The following MYT1L variants were observed in gnomAD, a reference collection of about 807,000 sequenced individuals.
MYT1L encodes myelin transcription factor 1 like.
In MYT1L, 12 loss-of-function variants were observed where a neutral mutation model predicts 126.7. That is an observed-to-expected ratio of 0.09 (90% CI 0.06 to 0.15). The LOEUF is 0.15. Ranked by LOEUF, MYT1L falls within the 10% of genes least tolerant of loss-of-function variation. The probability of loss-of-function intolerance (pLI) is 1.00; values close to 1 mark genes in which losing one functional copy is unlikely to be tolerated. For missense variants in MYT1L, 979 were observed against 1,585.2 expected (o/e 0.62, Z 6.49); for synonymous variants, 541 against 604.2 (o/e 0.90, Z 1.53).
At chr2:2,272,632 C>T (rs1297337431) in intron 2 of MYT1L, among the ~76,000 whole-genome samples, 1 of 152,200 alleles carries the variant, frequency 6.6e-6, no homozygotes, top group East Asian at 1.9e-4. Flanking sequence ...GCATAGGTCT[C>T]TTCTCTGAAC....
chr2:2,222,368 C>T (rs992405930), intron 2 of MYT1L, among the ~76,000 whole-genome samples: 1 of 151,698 alleles, frequency 6.6e-6, no homozygotes, highest in Non-Finnish European at 1.5e-5. Context: ...GGAGGGCACC[C>T]GTGATCCCAG....
intron 2 of MYT1L, among the ~76,000 whole-genome samples, chr2:2,256,556 C>G (rs1010607190): frequency 6.6e-6 from 1 of 152,206 alleles, no homozygotes; most frequent in Non-Finnish European, 1.5e-5. Flanking sequence ...AGTTTGTCAA[C>G]TACTGTTTTC....
At chr2:2,272,875 C>A (rs2095290343) in intron 2 of MYT1L, among the ~76,000 whole-genome samples, 1 of 152,158 alleles carries the variant, frequency 6.6e-6, no homozygotes. Context: ...TCCTGCTGGC[C>A]CTGCACCTCC....
At chr2:1,853,073 T>C (rs1245440991) in intron 18 of MYT1L, among the ~76,000 whole-genome samples, 1 of 152,230 alleles carries the variant, frequency 6.6e-6, no homozygotes, top group Non-Finnish European at 1.5e-5. Context: ...GTAAATGGTT[T>C]TCAGTACTCT....
At chr2:2,196,945 T>C (rs568418193) in intron 2 of MYT1L, among the ~76,000 whole-genome samples, 31 of 152,202 alleles carry the variant, frequency 2.0e-4, no homozygotes, top group Non-Finnish European at 3.5e-4. Context: ...AACTAAATGC[T>C]GCTTTCAAGA....
At chr2:1,882,568 T>G (rs530230345) in intron 18 of MYT1L, among the ~76,000 whole-genome samples, 30 of 152,306 alleles carry the variant, frequency 2.0e-4, no homozygotes, top group Non-Finnish European at 3.7e-4. Context: ...GGCCTCCTGG[T>G]AAAGAAACCA....
At chr2:2,107,452 T>TG in intron 3 of MYT1L, among the ~76,000 whole-genome samples, 1 of 152,186 alleles carries the variant, frequency 6.6e-6, no homozygotes, top group South Asian at 2.1e-4. Context: ...CCTAAAACAC[T>TG]AGCTCTCTGA....
chr2:2,293,079 A>G (rs2095622566), intron 1 of MYT1L, among the ~76,000 whole-genome samples: 1 of 152,214 alleles, frequency 6.6e-6, no homozygotes, highest in Admixed American at 6.5e-5. Context: ...TCTGGGGCCA[A>G]GACAGCCACC....
At chr2:2,226,632 G>A (rs1237638202) in intron 2 of MYT1L, among the ~76,000 whole-genome samples, 1 of 152,120 alleles carries the variant, frequency 6.6e-6, no homozygotes, top group Non-Finnish European at 1.5e-5. Flanking sequence ...CAGCCTCCAA[G>A]GTTGGGCTTC....
Position 1,999,916 on chromosome 2 carries a change from C to T in MYT1L, c.-157-2569G>A, listed in dbSNP as rs563649751. ...CATATTCATAGTATAAATTCAAATG[C>T]GTGTGAGGTTCTTATTAAAGTTGTC... is the stretch of plus-strand genomic sequence containing the variant. On this transcript the variant is annotated intron_variant, in intron 4 of 24. Transcript: ENST00000647738. 3.3e-5 allele frequency among the ~76,000 whole-genome samples: 5 copies of T among 152,242 alleles called. No individual in the cohort carries two copies. The East Asian group carries it at 5.8e-4, about 18-fold the overall frequency.
At chr2:1,817,904 A>G (rs1270724279) in intron 21 of MYT1L, among the ~76,000 whole-genome samples, 1 of 152,216 alleles carries the variant, frequency 6.6e-6, no homozygotes. Context: ...TGCTGAGTGT[A>G]GGTTTGGAAG....
At chr2:2,019,574 G>A (rs1250940603) in intron 4 of MYT1L, among the ~76,000 whole-genome samples, 3 of 152,156 alleles carry the variant, frequency 2.0e-5, no homozygotes, top group Non-Finnish European at 4.4e-5. Context: ...AGTGTGGGGG[G>A]TTCAGACTTC....
intron 8 of MYT1L, among the ~76,000 whole-genome samples, chr2:1,967,908 G>C (rs999924787): frequency 1.3e-5 from 2 of 152,188 alleles, no homozygotes; most frequent in Non-Finnish European, 2.9e-5. Flanking sequence ...GAGTCCTGCT[G>C]TCTGTGTGTC....
intron 3 of MYT1L, among the ~76,000 whole-genome samples, chr2:2,150,673 T>G (rs1011763238): frequency 1.3e-5 from 2 of 152,212 alleles, no homozygotes; most frequent in African/African-American, 4.8e-5. Context: ...ACACCTTAGA[T>G]TCTCTACCTT....
rs575620110 is a variant in MYT1L, at chr2:1,843,241, C to T, written c.2775-2398G>A. On this transcript the variant is annotated intron_variant, in intron 19 of 24. Transcript: ENST00000647738. The stretch of plus-strand genomic sequence containing the variant: ...ACAGTGCGGCCGCTGCAGGCTCACA[C>T]GGTTCTCTCCTCTACAGGCTCCTCT... Among the ~76,000 whole-genome samples, 188 of 152,354 alleles carry T rather than the reference C, an allele frequency of 1.2e-3. 2 individuals are homozygous for T. Among genetic ancestry groups the T allele is most frequent in the African/African-American group, 4.3e-3 (180 of 41,580 alleles).
chr2:2,276,895 G>A (rs1197096472), intron 2 of MYT1L, among the ~76,000 whole-genome samples: 1 of 152,146 alleles, frequency 6.6e-6, no homozygotes, highest in Non-Finnish European at 1.5e-5. Context: ...TGTCCCCAGA[G>A]CCCATGGTGC....
intron 2 of MYT1L, among the ~76,000 whole-genome samples, chr2:2,274,064 A>C (rs979271844): frequency 1.3e-5 from 2 of 152,196 alleles, no homozygotes. Context: ...GTAGGCACAA[A>C]GAAGGAAGGA....
intron 3 of MYT1L, among the ~76,000 whole-genome samples, chr2:2,093,594 C>T (rs190880346): frequency 3.9e-5 from 6 of 152,122 alleles, no homozygotes; most frequent in East Asian, 3.9e-4. Flanking sequence ...ATATTAGCCC[C>T]TTGTCAGATG....
At chr2:1,874,615 C>T (rs1334056368) in intron 18 of MYT1L, among the ~76,000 whole-genome samples, 1 of 152,210 alleles carries the variant, frequency 6.6e-6, no homozygotes, top group Non-Finnish European at 1.5e-5. Context: ...CCTCCATCAC[C>T]TGCTCCCCCG....
Sources: allele counts gnomAD v4.1 joint callset (sites outside exome capture counted in the v4.1 genomes callset), GRCh38; gene constraint gnomAD v4.1.1; transcripts MANE v1.5; gene names NCBI Gene and HGNC (gene_info 2026-07-23, HGNC 2026-07-21).